The following PCDHGB7 variants were observed in gnomAD, a reference collection of about 807,000 sequenced individuals.
PCDHGB7 encodes protocadherin gamma-B7.
A neutral mutation model predicts 61.4 loss-of-function variants in PCDHGB7; 37 were observed. That is an observed-to-expected ratio of 0.60 (90% CI 0.46 to 0.79). The LOEUF (loss-of-function observed/expected upper bound fraction) is 0.79, where lower values mean the gene tolerates loss of function less well. Among genes scored for constraint, PCDHGB7 ranks in the 30% least tolerant of loss-of-function variants. The pLI is 0.00. For synonymous variants in PCDHGB7, 464 were observed against 503.5 expected (o/e 0.92, Z 1.05); for missense variants, 1,166 against 1,202.5 (o/e 0.97, Z 0.45).
chr5:141,458,059 T>A (rs533147047), intron 1 of PCDHGB7, among the ~76,000 whole-genome samples: 1 of 152,238 alleles, frequency 6.6e-6, no homozygotes, highest in Admixed American at 6.5e-5. Flanking sequence ...CTTGCTGCAC[T>A]GATGCGAACA....
chr5:141,472,254 T>C (rs1031738513), intron 1 of PCDHGB7, among the ~76,000 whole-genome samples: 1 of 152,074 alleles, frequency 6.6e-6, no homozygotes, highest in Admixed American at 6.6e-5. Context: ...TTTAAAGTTA[T>C]ATTATAGCCG....
At chr5:141,459,723 T>G (rs1024452676) in intron 1 of PCDHGB7, among the ~76,000 whole-genome samples, 3 of 152,254 alleles carry the variant, frequency 2.0e-5, no homozygotes, top group African/African-American at 7.2e-5. Context: ...ATGCTTCCTA[T>G]TGTCAATTTT....
chr5:141,438,617 TATATATATATATATATATACAC>T (rs1342425883), intron 1 of PCDHGB7, among the ~76,000 whole-genome samples: 18 of 37,162 alleles, frequency 4.8e-4, no homozygotes, highest in Admixed American at 2.0e-3. Flanking sequence ...TATATATATA[TATATATATATATATATATACAC>T]ACACACACAC....
chr5:141,427,646 C>A, intron 1 of PCDHGB7: 1 of 715,440 alleles, frequency 1.4e-6, no homozygotes, highest in East Asian at 2.7e-5. Context: ...ACCAAGTCTC[C>A]TACGTGGTCC....
rs35482758 is a variant in PCDHGB7, at chr5:141,473,653, G to A, written c.2416-21154G>A. On this transcript the variant is annotated intron_variant, in intron 1 of 3. Coordinates refer to ENST00000398594, the MANE Select transcript of PCDHGB7 (RefSeq NM_018927.4). ...AGCTTTCCTGGCAAAGGAACAATTT[G>A]TGTGAAGGCCCTGAGACAGGGAAGG... Among the ~76,000 whole-genome samples, 302 of 152,274 alleles carry A rather than the reference G, an allele frequency of 2.0e-3. 1 individual carries two copies. Among genetic ancestry groups the A allele is most frequent in the Middle Eastern group, 0.01 (3 of 294 alleles).
Position 141,483,381 on chromosome 5 carries a change from G to T in PCDHGB7, c.2416-11426G>T, listed in dbSNP as rs147887550. ...AAGCTATTGCAATATTTGAAGAGAA[G>T]ATTGATAAATGCTTGAACCAGCACA... On this transcript the variant is annotated intron_variant, in intron 1 of 3. Transcript: ENST00000398594. 2.0e-3 allele frequency among the ~76,000 whole-genome samples: 305 copies of T among 152,292 alleles called. 2 individuals are homozygous for T. Among genetic ancestry groups the T allele is most frequent in the African/African-American group, 6.9e-3 (286 of 41,558 alleles).
At chr5:141,433,298 A>G in intron 1 of PCDHGB7, 7 of 1,015,894 alleles carry the variant, frequency 6.9e-6, no homozygotes, top group Non-Finnish European at 1.0e-5. Context: ...GGCTCAAGCA[A>G]TTATCCCACC....
intron 2 of PCDHGB7, among the ~76,000 whole-genome samples, chr5:141,498,004 G>C (rs1385457484): frequency 6.6e-6 from 1 of 152,316 alleles, no homozygotes; most frequent in African/African-American, 2.4e-5. Flanking sequence ...GGAGTTTACA[G>C]TGCACTGAAG....
intron 1 of PCDHGB7, among the ~76,000 whole-genome samples, chr5:141,446,747 G>T (rs997132200): frequency 3.9e-5 from 6 of 152,190 alleles, no homozygotes; most frequent in Non-Finnish European, 8.8e-5. Context: ...GATTACAGGC[G>T]TGAGCCACCG....
intron 2 of PCDHGB7, among the ~76,000 whole-genome samples, chr5:141,496,841 G>C (rs2099771828): frequency 6.6e-6 from 1 of 151,398 alleles, no homozygotes; most frequent in South Asian, 2.1e-4. Context: ...GAACTCATAG[G>C]CTTCCAGACC....
At chr5:141,436,707 T>C (rs985035872) in intron 1 of PCDHGB7, among the ~76,000 whole-genome samples, 18 of 152,208 alleles carry the variant, frequency 1.2e-4, no homozygotes, top group African/African-American at 4.3e-4. Context: ...GCACACTCGA[T>C]GTTCTGTTGG....
chr5:141,418,041 T>C lies in PCDHGB7; in HGVS notation c.182T>C (p.Val61Ala), dbSNP rs764313049. The C allele has an allele frequency of 1.2e-6, 2 of 1,613,858 alleles. No individual in the cohort carries two copies. Among genetic ancestry groups the C allele is most frequent in the Non-Finnish European group, 1.7e-6 (2 of 1,179,856 alleles). Residue 61 changes from valine to alanine, a missense_variant, in exon 1 of 4, where the codon GTG (valine) becomes GCG (alanine). By Grantham distance (64) the Val-to-Ala change is moderately conservative (BLOSUM62 0). Transcript: ENST00000398594. ...GATCTAGGGCTTAGTGTCCTGGATG[T>C]GTCGGCTCGCGAGCTGCGAGTGAGC... is the stretch of plus-strand genomic sequence containing the variant. ...AKDLGLSVLD[V>A]SARELRVSAE...
chr5:141,468,868 AAATAAT>A (rs993655754), intron 1 of PCDHGB7, among the ~76,000 whole-genome samples: 1 of 151,794 alleles, frequency 6.6e-6, no homozygotes, highest in Non-Finnish European at 1.5e-5. Context: ...TCCATCTCAA[AAATAAT>A]AATAATAATA....
intron 1 of PCDHGB7, among the ~76,000 whole-genome samples, chr5:141,448,086 TAA>T (rs558292628): frequency 6.8e-6 from 1 of 146,354 alleles, no homozygotes; most frequent in Middle Eastern, 3.2e-3. Flanking sequence ...AATGCCATCT[TAA>T]AAAAAAAAAA....
intron 1 of PCDHGB7, among the ~76,000 whole-genome samples, chr5:141,484,202 T>C (rs2099593138): frequency 6.6e-6 from 1 of 152,214 alleles, no homozygotes; most frequent in Non-Finnish European, 1.5e-5. Context: ...ATTAAATCTA[T>C]GAACATTAGC....
intron 1 of PCDHGB7, among the ~76,000 whole-genome samples, chr5:141,446,338 G>T (rs964323259): frequency 6.6e-6 from 1 of 152,128 alleles, no homozygotes; most frequent in African/African-American, 2.4e-5. Flanking sequence ...GGAACTGGAT[G>T]GACAAAGCTA....
chr5:141,500,062 TAA>T (rs1314388217), intron 2 of PCDHGB7, among the ~76,000 whole-genome samples: 1 of 152,144 alleles, frequency 6.6e-6, no homozygotes, highest in East Asian at 1.9e-4. Flanking sequence ...TCTTTTAATG[TAA>T]AAGACTTCCC....
In PCDHGB7 at chr5:141,489,664, A is replaced by C. The variant is rs745597010; in HGVS notation, c.2416-5143A>C. 1.9e-6 allele frequency: 3 copies of C among 1,614,224 alleles called. No individual in the cohort carries two copies. Among genetic ancestry groups the C allele is most frequent in the African/African-American group, 1.3e-5 (1 of 75,058 alleles). On this transcript the variant is annotated intron_variant, in intron 1 of 3. Transcript: ENST00000398594. This position sits in a 1 kb window ranked among gnomAD's most constrained non-coding sequence, Gnocchi z 4.5. ...TGCCACCCCTGAGCGAGAGATGCGC[A>C]TCTCAGAATCAGCAGCATCTGGGGC... is the stretch of plus-strand genomic sequence containing the variant.
chr5:141,438,682 A>G (rs1282726848), intron 1 of PCDHGB7, among the ~76,000 whole-genome samples: 13 of 140,730 alleles, frequency 9.2e-5, no homozygotes, highest in Admixed American at 6.6e-4. Flanking sequence ...GGAGTAGGGG[A>G]TGGAGTCTTG....
Sources: gnomAD v4.1 joint callset for allele counts (sites outside exome capture counted in the v4.1 genomes callset) on GRCh38, gnomAD v4.1.1 for gene constraint, Gnocchi (gnomAD v3.1) non-coding constraint, MANE v1.5 for transcripts, NCBI Gene and HGNC (gene_info 2026-07-23, HGNC 2026-07-21) for gene names.